TSC22D3: variants seen among roughly 807,000 people sequenced by gnomAD.
TSC22D3 encodes the protein TSC22 domain family protein 3.
A neutral mutation model predicts 11.1 loss-of-function variants in TSC22D3; 4 were observed. That is an observed-to-expected ratio of 0.36 (90% CI 0.18 to 0.83). The LOEUF (loss-of-function observed/expected upper bound fraction) is 0.83. Ranked by LOEUF, TSC22D3 falls within the 40% of genes least tolerant of loss-of-function variation. The probability of loss-of-function intolerance (pLI) is 0.48; values close to 1 mark genes in which losing one functional copy is unlikely to be tolerated. For synonymous variants in TSC22D3, 77 were observed against 70.3 expected (o/e 1.10, Z -0.48); for missense variants, 118 against 159.4 (o/e 0.74, Z 1.40).
chrX:107,758,285 G>T (rs1929268772), intron 1 of TSC22D3, among the ~76,000 whole-genome samples: 1 of 110,991 alleles, frequency 9.0e-6, no homozygotes, highest in South Asian at 3.9e-4. Context: ...CATTGTAGAT[G>T]ATCTGTGATA....
intron 1 of TSC22D3, chrX:107,721,879 G>A: frequency 1.9e-6 from 1 of 518,583 alleles, no homozygotes; most frequent in Non-Finnish European, 3.5e-6. Flanking sequence ...TTCTGAAGAG[G>A]CTGGAGGAAT....
intron 1 of TSC22D3, among the ~76,000 whole-genome samples, chrX:107,721,658 A>G (rs1927333751): frequency 8.9e-6 from 1 of 112,397 alleles, no homozygotes; most frequent in Non-Finnish European, 1.9e-5. Context: ...GGAGAAGCGG[A>G]AAAAGACATG....
At chrX:107,722,430 A>G (rs1602951760) in intron 1 of TSC22D3, among the ~76,000 whole-genome samples, 1 of 111,694 alleles carries the variant, frequency 9.0e-6, no homozygotes, top group East Asian at 2.8e-4. Context: ...AAGGCATTCT[A>G]CCCCTCCTGC....
chrX:107,719,768 C>G (rs1341401819), intron 1 of TSC22D3, among the ~76,000 whole-genome samples: 4 of 111,247 alleles, frequency 3.6e-5, no homozygotes, highest in African/African-American at 1.3e-4. Flanking sequence ...AAGCAGCAGC[C>G]CTACTATTAG....
chrX:107,719,375 T>C (rs6523972), intron 1 of TSC22D3, among the ~76,000 whole-genome samples: 2,795 of 112,276 alleles, frequency 0.025, 73 homozygotes, highest in African/African-American at 0.086. Flanking sequence ...TGTTCATTAG[T>C]TATACTTCAA....
chrX:107,761,514 G>T (rs1929435364), intron 1 of TSC22D3, among the ~76,000 whole-genome samples: 1 of 112,610 alleles, frequency 8.9e-6, no homozygotes, highest in Non-Finnish European at 1.9e-5. Context: ...AATTTCAAGT[G>T]CAATTTTCAC....
chrX:107,732,014 G>A (rs1014424285), intron 1 of TSC22D3, among the ~76,000 whole-genome samples: 8 of 111,243 alleles, frequency 7.2e-5, no homozygotes, highest in African/African-American at 1.3e-4. Flanking sequence ...GAAAAGTGCC[G>A]AGTCGCATGG....
intron 1 of TSC22D3, among the ~76,000 whole-genome samples, chrX:107,762,680 G>A (rs1416025465): frequency 9.1e-6 from 1 of 109,599 alleles, no homozygotes; most frequent in East Asian, 2.8e-4. Flanking sequence ...CTGAATGCTT[G>A]TAGTCAGGAA....
At chrX:107,766,558 C>G (rs1229648063) in intron 1 of TSC22D3, among the ~76,000 whole-genome samples, 1 of 105,851 alleles carries the variant, frequency 9.4e-6, no homozygotes, top group African/African-American at 3.5e-5. Context: ...TGGGGCCTCT[C>G]CATGCACCAC....
At chrX:107,749,178 TACACACACACACACACACACAC>T (rs61681572) in intron 1 of TSC22D3, among the ~76,000 whole-genome samples, 9 of 87,346 alleles carry the variant, frequency 1.0e-4, no homozygotes, top group South Asian at 6.7e-4. Flanking sequence ...CTACTAAAAA[TACACACACACACACACACACAC>T]ACACACACAC....
chrX:107,761,183 G>A (rs760884377), intron 1 of TSC22D3, among the ~76,000 whole-genome samples: 2 of 112,551 alleles, frequency 1.8e-5, no homozygotes, highest in Non-Finnish European at 3.8e-5. Context: ...TCTATTAGAC[G>A]CAAAGCGCCT....
At chrX:107,763,092 T>C (rs1208330784) in intron 1 of TSC22D3, among the ~76,000 whole-genome samples, 1 of 110,641 alleles carries the variant, frequency 9.0e-6, no homozygotes, top group East Asian at 2.8e-4. Context: ...CTTGACCTCA[T>C]GATCCACCAG....
intron 1 of TSC22D3, among the ~76,000 whole-genome samples, chrX:107,767,737 A>G (rs1189316740): frequency 8.9e-6 from 1 of 112,012 alleles, no homozygotes; most frequent in Non-Finnish European, 1.9e-5. Context: ...TCTGGCCTTC[A>G]TGGGGCTCCT....
At chrX:107,754,787 C>T (rs917133053) in intron 1 of TSC22D3, among the ~76,000 whole-genome samples, 2 of 112,332 alleles carry the variant, frequency 1.8e-5, no homozygotes, top group African/African-American at 6.5e-5. Flanking sequence ...CAGGTGATTG[C>T]GTCCTCTGCA....
intron 1 of TSC22D3, among the ~76,000 whole-genome samples, chrX:107,765,906 A>G (rs945982368): frequency 1.8e-5 from 2 of 111,625 alleles, no homozygotes; most frequent in Non-Finnish European, 3.8e-5. Flanking sequence ...GGTAGTCTTG[A>G]GCTTGTCCAA....
chrX:107,774,933 G>T, intron 1 of TSC22D3, 167 bp downstream of exon 1: 2 of 543,918 alleles, frequency 3.7e-6, no homozygotes, highest in Non-Finnish European at 5.8e-6. Context: ...CCTCCCCTCA[G>T]CTCCGCGGTA....
At chrX:107,773,441 C>T (rs890086554) in intron 1 of TSC22D3, among the ~76,000 whole-genome samples, 7 of 112,150 alleles carry the variant, frequency 6.2e-5, no homozygotes, top group African/African-American at 2.3e-4. Flanking sequence ...CACTCTCCAA[C>T]AGAGACAGGC....
intron 1 of TSC22D3, among the ~76,000 whole-genome samples, chrX:107,749,159 A>C (rs1342304261): frequency 6.0e-5 from 6 of 99,890 alleles, no homozygotes; most frequent in Non-Finnish European, 1.0e-4. Context: ...ACATGGTGAA[A>C]CCCTGTCTCT....
At chrX:107,771,576 C>A (rs1356683902) in intron 1 of TSC22D3, among the ~76,000 whole-genome samples, 1 of 111,846 alleles carries the variant, frequency 8.9e-6, no homozygotes, top group Non-Finnish European at 1.9e-5. Flanking sequence ...CAGAACAAGA[C>A]TCCGTCTCAA....
Sources: gnomAD v4.1 joint callset for allele counts (sites outside exome capture counted in the v4.1 genomes callset) on GRCh38, gnomAD v4.1.1 for gene constraint, MANE v1.5 for transcripts, NCBI Gene and HGNC (gene_info 2026-07-23, HGNC 2026-07-21) for gene names.